The following SYNPR variants were observed in gnomAD, a reference collection of about 807,000 sequenced individuals.
The protein encoded by SYNPR is synaptoporin.
A neutral mutation model predicts 32.9 loss-of-function variants in SYNPR; 23 were observed. The ratio of observed to expected loss-of-function variants is 0.70; its 90% CI spans 0.50 to 0.99. The LOEUF is 0.99. Among genes scored for constraint, SYNPR ranks in the 50% least tolerant of loss-of-function variants. SYNPR has a pLI of 0.00. For missense variants in SYNPR, 318 were observed against 349.3 expected (o/e 0.91, Z 0.71); for synonymous variants, 146 against 135.9 (o/e 1.07, Z -0.52).
Position 63,480,929 on chromosome 3 carries a change from T to C in SYNPR, c.182T>C (p.Ile61Thr). 6.2e-7 allele frequency: 1 copy of C among 1,613,324 alleles called. No homozygotes were observed. The highest frequency in any genetic ancestry group is 8.5e-7 in the Non-Finnish European group (1 of 1,179,438). The change falls in exon 3 of 6, where the codon ATC becomes ACC. Residue 61 changes from isoleucine (I) to threonine (T), a missense_variant. Ile to Thr is a moderately conservative substitution (Grantham distance 89). Transcript: ENST00000478300. ...CVNKTESNLSIDIAFAYPFRL... is the reference protein window; with the variant it reads ...CVNKTESNLSTDIAFAYPFRL... ...AACAAGACAGAAAGTAACCTCAGCA[T>C]CGACATAGCGTTTGCCTACCCATTC...
chr3:63,499,521 G>A lies in SYNPR; in HGVS notation c.209+18565G>A, dbSNP rs532135427. ...ATGAGGTACAGTCAAGACCAAAGAGGCAATGAAGAACTCTATATAAGCCAA... is the reference window on the plus strand; with the variant it reads ...ATGAGGTACAGTCAAGACCAAAGAGACAATGAAGAACTCTATATAAGCCAA... On this transcript the variant is annotated intron_variant, in intron 3 of 5. Transcript: ENST00000478300. 2.6e-5 allele frequency among the ~76,000 whole-genome samples: 4 copies of A among 152,104 alleles called. No individual in the cohort carries two copies. In the South Asian group the frequency reaches 8.3e-4, roughly 32 times the overall value.
intron 2 of SYNPR, among the ~76,000 whole-genome samples, chr3:63,264,221 A>G (rs2086462160): frequency 1.3e-5 from 2 of 152,186 alleles, no homozygotes; most frequent in Admixed American, 6.5e-5. Context: ...GGTTCCATAC[A>G]TTGAGAAAAA....
chr3:63,460,256 C>G (rs915436160), intron 2 of SYNPR, among the ~76,000 whole-genome samples: 1 of 152,002 alleles, frequency 6.6e-6, no homozygotes, highest in African/African-American at 2.4e-5. Flanking sequence ...CTGTAATGCC[C>G]CTTACATCAC....
intron 4 of SYNPR, among the ~76,000 whole-genome samples, chr3:63,562,693 CT>C (rs1702711532): frequency 6.6e-6 from 1 of 152,204 alleles, no homozygotes; most frequent in Non-Finnish European, 1.5e-5. Context: ...TTTAATTCCT[CT>C]TTAGTGAGCG....
chr3:63,595,788 TATATATATATAG>T (rs1559546307), intron 4 of SYNPR, among the ~76,000 whole-genome samples: 562 of 52,058 alleles, frequency 0.011, 36 homozygotes, highest in African/African-American at 0.016. Flanking sequence ...TATATATAGT[TATATATATATAG>T]TTATATATAT....
chr3:63,380,837 T>A (rs1328495453), intron 2 of SYNPR, among the ~76,000 whole-genome samples: 2 of 152,130 alleles, frequency 1.3e-5, no homozygotes, highest in African/African-American at 4.8e-5. Context: ...AAAAGGCCTT[T>A]GACAAAATTC....
intron 3 of SYNPR, among the ~76,000 whole-genome samples, chr3:63,525,226 C>T (rs1475163044): frequency 6.6e-6 from 1 of 151,988 alleles, no homozygotes; most frequent in Non-Finnish European, 1.5e-5. Context: ...AACTTGAAAC[C>T]CCTGATTTTT....
rs116627728 is a variant in SYNPR at position 63,321,883 on chromosome 3, C to T, written c.84+43141C>T. Among the ~76,000 whole-genome samples the T allele has an allele frequency of 4.0e-3, 605 of 152,134 alleles. 2 individuals are homozygous for T. Among genetic ancestry groups the T allele is most frequent in the African/African-American group, 0.013 (537 of 41,532 alleles). On this transcript the variant is annotated intron_variant, in intron 2 of 5. Coordinates refer to ENST00000478300, the MANE Select transcript of SYNPR (RefSeq NM_001130003.2). ...CTCCCAATGGGCCTTCTGAGGTTTC[C>T]CTTGAAGAGGTCAACTAAAAAGCAG...
At chr3:63,455,752 T>C (rs1457611218) in intron 2 of SYNPR, among the ~76,000 whole-genome samples, 2 of 142,704 alleles carry the variant, frequency 1.4e-5, no homozygotes, top group Non-Finnish European at 3.0e-5. Context: ...ATAGTCATGT[T>C]TGGGGTGTGT....
At chr3:63,250,814 G>C (rs983210226) in intron 1 of SYNPR, among the ~76,000 whole-genome samples, 1 of 152,048 alleles carries the variant, frequency 6.6e-6, no homozygotes, top group Admixed American at 6.6e-5. Context: ...TCAGACTTTT[G>C]GTTCAAGATG....
chr3:63,380,538 TG>T (rs2087953059), intron 2 of SYNPR, among the ~76,000 whole-genome samples: 1 of 152,236 alleles, frequency 6.6e-6, no homozygotes, highest in Admixed American at 6.5e-5. Flanking sequence ...TGGTGTTGTT[TG>T]TTTTTTTCTT....
At chr3:63,408,142 A>AAAAG (rs199743513) in intron 2 of SYNPR, among the ~76,000 whole-genome samples, 450 of 28,454 alleles carry the variant, frequency 0.016, 29 homozygotes, top group East Asian at 0.028. Context: ...TAGAAGAAAG[A>AAAAG]AAAGAAAGAA....
At chr3:63,430,252 A>T (rs1699967827) in intron 2 of SYNPR, among the ~76,000 whole-genome samples, 2 of 152,160 alleles carry the variant, frequency 1.3e-5, no homozygotes, top group Non-Finnish European at 2.9e-5. Flanking sequence ...CAGTTTTTCA[A>T]ATAAATTAAA....
intron 4 of SYNPR, among the ~76,000 whole-genome samples, chr3:63,588,444 T>A (rs546819376): frequency 1.3e-5 from 2 of 152,058 alleles, no homozygotes; most frequent in African/African-American, 4.8e-5. Context: ...ATGTTTTGTG[T>A]CAAGTAGATA....
intron 2 of SYNPR, among the ~76,000 whole-genome samples, chr3:63,440,418 G>A (rs1453829147): frequency 1.3e-5 from 2 of 152,210 alleles, no homozygotes; most frequent in African/African-American, 4.8e-5. Flanking sequence ...ACTTTTCTCA[G>A]ATGAGTGATA....
chr3:63,344,676 G>A (rs1194874343), intron 2 of SYNPR, among the ~76,000 whole-genome samples: 1 of 151,138 alleles, frequency 6.6e-6, no homozygotes, highest in African/African-American at 2.4e-5. Flanking sequence ...CCACTGCACA[G>A]ATAGAGTCGA....
chr3:63,568,750 G>A (rs1457215426), intron 4 of SYNPR, among the ~76,000 whole-genome samples: 1 of 152,106 alleles, frequency 6.6e-6, no homozygotes, highest in African/African-American at 2.4e-5. Context: ...AGAGAGAAAG[G>A]CTTACCAAGA....
intron 3 of SYNPR, among the ~76,000 whole-genome samples, chr3:63,516,000 C>G (rs1701792121): frequency 6.6e-6 from 1 of 151,862 alleles, no homozygotes; most frequent in Non-Finnish European, 1.5e-5. Context: ...ATGAATTCGG[C>G]TAATATAAAC....
At chr3:63,293,539 T>C (rs1028675578) in intron 2 of SYNPR, among the ~76,000 whole-genome samples, 1 of 152,206 alleles carries the variant, frequency 6.6e-6, no homozygotes, top group Non-Finnish European at 1.5e-5. Flanking sequence ...AACCACATAA[T>C]GTATTAATTT....
Sources: gnomAD v4.1 joint callset for allele counts (sites outside exome capture counted in the v4.1 genomes callset) on GRCh38, gnomAD v4.1.1 for gene constraint, MANE v1.5 for transcripts, NCBI Gene and HGNC (gene_info 2026-07-23, HGNC 2026-07-21) for gene names.